CASZ1: variants seen among roughly 807,000 people sequenced by gnomAD.
The protein encoded by CASZ1 is zinc finger protein castor homolog 1.
A neutral mutation model predicts 135.2 loss-of-function variants in CASZ1; 28 were observed. The ratio of observed to expected loss-of-function variants is 0.21; its 90% confidence interval spans 0.15 to 0.28. The LOEUF (loss-of-function observed/expected upper bound fraction) is 0.28. Ranked by LOEUF, CASZ1 falls within the 10% of genes least tolerant of loss-of-function variation. The pLI is 1.00. For missense variants in CASZ1, 2,161 were observed against 2,453.3 expected (o/e 0.88, Z 2.52); for synonymous variants, 1,068 against 1,073.4 (o/e 0.99, Z 0.10).
In CASZ1 at chr1:10,691,407, C is replaced by T. The variant is rs539313564; in HGVS notation, c.16+2467G>A. Among the ~76,000 whole-genome samples the T allele has an allele frequency of 2.6e-4, 39 of 152,268 alleles. No homozygotes were observed. In the South Asian group the frequency reaches 7.9e-3, roughly 31 times the overall value. ...CCCCTCCTGAGAAGGCTTGGCTCTC[C>T]CACCACTGACTTCCTCATGGCTGAA... On this transcript the variant is annotated intron_variant, in intron 4 of 20. Transcript: ENST00000377022.
chr1:10,788,171 A>C lies in CASZ1; in HGVS notation c.-234+8393T>G, dbSNP rs1640892079. Reference sequence around the variant, plus strand: ...CTGCCATTAAGGGGATGTATCCATTACTGTGGATAGGGGAACCGGGAGAGC... The same window carrying C: ...CTGCCATTAAGGGGATGTATCCATTCCTGTGGATAGGGGAACCGGGAGAGC... On this transcript the variant is annotated intron_variant, in intron 1 of 20. Coordinates refer to ENST00000377022, the MANE Select transcript of CASZ1 (RefSeq NM_001079843.3). This position sits in a 1 kb window ranked among gnomAD's most constrained non-coding sequence, Gnocchi z 4.1. Among the ~76,000 whole-genome samples, 1 of 152,130 alleles carries C rather than the reference A, an allele frequency of 6.6e-6. No individual in the cohort carries two copies. Among genetic ancestry groups the C allele is most frequent in the Admixed American group, 6.5e-5 (1 of 15,278 alleles).
In CASZ1 at chr1:10,665,154, G is replaced by A; in HGVS notation, c.434C>T (p.Ala145Val). The change falls in exon 5 of 21, where the codon GCC becomes GTC. Residue 145 changes from alanine (A) to valine (V), a missense_variant. Coordinates refer to ENST00000377022, the MANE Select transcript of CASZ1 (RefSeq NM_001079843.3). Reference sequence around the variant, plus strand: ...CCCGTCCGAATCCTTCTCCTCCAGGGCACCGCCGTCCTTGGAGGGCTCCTC... The same window carrying A: ...CCCGTCCGAATCCTTCTCCTCCAGGACACCGCCGTCCTTGGAGGGCTCCTC... ...HAEEPSKDGG[A>V]LEEKDSDGAA... 6.5e-7 allele frequency: 1 copy of A among 1,542,484 alleles called. No homozygotes were observed. The highest frequency in any genetic ancestry group is 1.3e-5 in the South Asian group (1 of 79,494).
At chr1:10,793,498 C>T (rs1641000956) in intron 1 of CASZ1, among the ~76,000 whole-genome samples, 2 of 152,100 alleles carry the variant, frequency 1.3e-5, no homozygotes, top group South Asian at 4.2e-4. Flanking sequence ...AGGCACTGCC[C>T]CTTTAAACGT....
rs898192742 is a variant in CASZ1, at chr1:10,755,068, G to A, written c.-77+5633C>T. Among the ~76,000 whole-genome samples, 13 of 152,228 alleles carry A rather than the reference G, an allele frequency of 8.5e-5. No homozygotes were observed. The highest frequency in any genetic ancestry group is 1.6e-4 in the Non-Finnish European group (11 of 68,040). On this transcript the variant is annotated intron_variant, in intron 2 of 20. Transcript: ENST00000377022. This position sits in a 1 kb window ranked among gnomAD's most constrained non-coding sequence, Gnocchi z 4.3. ...GGACCAGAGAGAAAACTCAGGTGGTGAGTGGAAGGGGAGCGACCCCCAGGC... is the reference window on the plus strand; with the variant it reads ...GGACCAGAGAGAAAACTCAGGTGGTAAGTGGAAGGGGAGCGACCCCCAGGC...
chr1:10,719,272 C>T lies in CASZ1; in HGVS notation c.-76-13728G>A, dbSNP rs12568512. 7.4e-3 allele frequency among the ~76,000 whole-genome samples: 1,123 copies of T among 152,312 alleles called. 48 individuals are homozygous for T. In the East Asian group the frequency reaches 0.12, roughly 16 times the overall value. ...TGAGGTTCGGAGAAGGGAGGTCTGC[C>T]AGCAAGGCACAGCTCCTAAGAACAG... On this transcript the variant is annotated intron_variant, in intron 2 of 20. Transcript: ENST00000377022. This position sits in a 1 kb window ranked among gnomAD's most constrained non-coding sequence, Gnocchi z 4.0.
In CASZ1 at chr1:10,636,865, T is replaced by A. The variant is rs1642010515; in HGVS notation, c.*2077A>T. 2 of 151,960 alleles carry A rather than the reference T, an allele frequency of 1.3e-5. No individual in the cohort carries two copies. Among genetic ancestry groups the A allele is most frequent in the African/African-American group, 4.8e-5 (2 of 41,356 alleles). 9.4% of individuals were successfully genotyped at this position (151,960 alleles called of 1,614,324 possible). On this transcript the variant is annotated 3_prime_UTR_variant, in exon 21 of 21. Transcript: ENST00000377022. ...CTATATATCTCTATATATCTATATATGTATATACATATAGATATATACACA... is the reference window on the plus strand; with the variant it reads ...CTATATATCTCTATATATCTATATAAGTATATACATATAGATATATACACA...
chr1:10,741,408 A>T lies in CASZ1; in HGVS notation c.-77+19293T>A, dbSNP rs522156. ...GGGGGCGGCAGGGCACAGGGAGCAGACACAGGTGCACACAAGCTCCAGCAC... is the reference window on the plus strand; with the variant it reads ...GGGGGCGGCAGGGCACAGGGAGCAGTCACAGGTGCACACAAGCTCCAGCAC... On this transcript the variant is annotated intron_variant, in intron 2 of 20. Coordinates refer to ENST00000377022, the MANE Select transcript of CASZ1 (RefSeq NM_001079843.3). This position sits in a 1 kb window ranked among gnomAD's most constrained non-coding sequence, Gnocchi z 5.0. 0.014 allele frequency among the ~76,000 whole-genome samples: 2,180 copies of T among 152,326 alleles called. 50 individuals are homozygous for T. Among genetic ancestry groups the T allele is most frequent in the African/African-American group, 0.049 (2,037 of 41,570 alleles).
rs1314963956 is a variant in CASZ1, at chr1:10,735,332, C to T, written c.-77+25369G>A. Among the ~76,000 whole-genome samples, 4 of 152,250 alleles carry T rather than the reference C, an allele frequency of 2.6e-5. No individual in the cohort carries two copies. The East Asian group carries it at 5.8e-4, about 22-fold the overall frequency. ...GCTCTGGGAGAGGGAAAGGTTGAGC[C>T]GCCACGGGCCCCAAGCTGCATTCTG... On this transcript the variant is annotated intron_variant, in intron 2 of 20. Transcript: ENST00000377022. The surrounding 1 kb of genome is among the most constrained non-coding windows in gnomAD (Gnocchi z 5.1).
chr1:10,658,324 G>T, intron 7 of CASZ1, 184 bp downstream of exon 7: 1 of 606,388 alleles, frequency 1.6e-6, no homozygotes, highest in Admixed American at 2.7e-5. Context: ...CAGAGCGGAG[G>T]GAGGCTCCCA....
Position 10,700,054 on chromosome 1 carries a change from GAGAC to G in CASZ1, c.-24+5434_-24+5437del, listed in dbSNP as rs1436817684. 6.3e-4 allele frequency among the ~76,000 whole-genome samples: 92 copies of G among 146,598 alleles called. No individual in the cohort carries two copies. Among genetic ancestry groups the G allele is most frequent in the African/African-American group, 2.2e-3 (84 of 37,912 alleles). ...AGAGAGACAGAGAGAGAGAGAAAGA[GAGAC>G]AGAGAGAGAAAGAGAGATAGAGACA... On this transcript the variant is annotated intron_variant, in intron 3 of 20. Coordinates refer to ENST00000377022, the MANE Select transcript of CASZ1 (RefSeq NM_001079843.3). This position sits in a 1 kb window ranked among gnomAD's most constrained non-coding sequence, Gnocchi z 4.2.
At chr1:10,791,118 G>A (rs1408274663) in intron 1 of CASZ1, among the ~76,000 whole-genome samples, 1 of 149,868 alleles carries the variant, frequency 6.7e-6, no homozygotes, top group African/African-American at 2.5e-5. Context: ...CCAAGTGTTA[G>A]TCAATCATCA....
At position 10,654,565 on chromosome 1, in the gene CASZ1, G is replaced by A. The variant is rs1179226167; in HGVS notation, c.1692C>T (p.Ser564=). ...MQVGCNKVYT[S]TSDVMTHENF... ...TCTCGTGGGTCATCACGTCAGACGT[G>A]CTCGTGTACACCTTGTTACAGCCCA... The change falls in exon 10 of 21, where the codon AGC becomes AGT. Residue 564 remains serine (S), a synonymous_variant. Coordinates refer to ENST00000377022, the MANE Select transcript of CASZ1 (RefSeq NM_001079843.3). 3 of 1,614,112 alleles carry A rather than the reference G, an allele frequency of 1.9e-6. No homozygotes were observed. Among genetic ancestry groups the A allele is most frequent in the South Asian group, 2.2e-5 (2 of 91,088 alleles).
chr1:10,783,245 A>ATGTG, intron 1 of CASZ1, among the ~76,000 whole-genome samples: 1 of 74,868 alleles, frequency 1.3e-5, no homozygotes, highest in African/African-American at 4.9e-5. Context: ...GCCAGTGGAG[A>ATGTG]AGTGTGTGTG....
In CASZ1 at chr1:10,676,306, C is replaced by A. The variant is rs556977054; in HGVS notation, c.17-10735G>T. On this transcript the variant is annotated intron_variant, in intron 4 of 20. Transcript: ENST00000377022. The surrounding 1 kb of genome is among the most constrained non-coding windows in gnomAD (Gnocchi z 4.5). ...GGAAGCCCTGGGCTCCCGCTATTGT[C>A]GGCCACGTTGAGGGAGGGCCCCTGC... Among the ~76,000 whole-genome samples, 8 of 152,294 alleles carry A rather than the reference C, an allele frequency of 5.3e-5. No homozygotes were observed. The highest frequency in any genetic ancestry group is 3.3e-4 in the Admixed American group (5 of 15,306).
chr1:10,782,431 T>A (rs1286016941), intron 1 of CASZ1, among the ~76,000 whole-genome samples: 1 of 152,178 alleles, frequency 6.6e-6, no homozygotes, highest in Non-Finnish European at 1.5e-5. Context: ...ACTCTTTCTT[T>A]TAAAATTAAA....
chr1:10,748,227 TG>T (rs1245328427), intron 2 of CASZ1, among the ~76,000 whole-genome samples: 1 of 152,180 alleles, frequency 6.6e-6, no homozygotes, highest in Non-Finnish European at 1.5e-5. Context: ...CAGCTACTCC[TG>T]GGCAGGGGTG....
chr1:10,701,650 C>T lies in CASZ1; in HGVS notation c.-24+3842G>A, dbSNP rs1373991786. On this transcript the variant is annotated intron_variant, in intron 3 of 20. Coordinates refer to ENST00000377022, the MANE Select transcript of CASZ1 (RefSeq NM_001079843.3). The surrounding 1 kb of genome is among the most constrained non-coding windows in gnomAD (Gnocchi z 6.3). ...CTTCTGTCCTGCTCCTCCAGCCTGACACTAATGTATTCAACCTGACATCCC... is the reference window on the plus strand; with the variant it reads ...CTTCTGTCCTGCTCCTCCAGCCTGATACTAATGTATTCAACCTGACATCCC... Among the ~76,000 whole-genome samples the T allele has an allele frequency of 6.6e-6, 1 of 152,222 alleles. No homozygotes were observed. Among genetic ancestry groups the T allele is most frequent in the Non-Finnish European group, 1.5e-5 (1 of 68,030 alleles).
intron 3 of CASZ1, among the ~76,000 whole-genome samples, chr1:10,703,319 G>A (rs1353870695): frequency 6.6e-6 from 1 of 152,158 alleles, no homozygotes; most frequent in Non-Finnish European, 1.5e-5. Context: ...GACAGAGCCA[G>A]CACCCACTGT....
rs1640391194 is a variant in CASZ1 at position 10,762,183 on chromosome 1, C to T, written c.-233-1326G>A. 2.0e-5 allele frequency among the ~76,000 whole-genome samples: 3 copies of T among 152,050 alleles called. No individual in the cohort carries two copies. Among genetic ancestry groups the T allele is most frequent in the Admixed American group, 1.3e-4 (2 of 15,272 alleles). ...GGTGAGAGCTTCAGCATCAGCTCTG[C>T]CCTACCTCGGCTGGGGCAATGCCAC... On this transcript the variant is annotated intron_variant, in intron 1 of 20. Coordinates refer to ENST00000377022, the MANE Select transcript of CASZ1 (RefSeq NM_001079843.3). The surrounding 1 kb of genome is among the most constrained non-coding windows in gnomAD (Gnocchi z 4.1).
Sources: allele counts gnomAD v4.1 joint callset (sites outside exome capture counted in the v4.1 genomes callset), GRCh38; gene constraint gnomAD v4.1.1; non-coding constraint Gnocchi (gnomAD v3.1); transcripts MANE v1.5; gene names NCBI Gene and HGNC (gene_info 2026-07-23, HGNC 2026-07-21).